DCHS2: variants seen among roughly 807,000 people sequenced by gnomAD.
DCHS2 encodes dachsous cadherin-related 2.
DCHS2 carries 142 observed loss-of-function variants against 182.4 expected under a neutral mutation model. The ratio of observed to expected loss-of-function variants is 0.78; its 90% confidence interval spans 0.68 to 0.89. The LOEUF is 0.89. DCHS2 is among the 40% of genes least tolerant of loss of function. The pLI is 0.00. For missense variants in DCHS2, 4,319 were observed against 4,198.6 expected (o/e 1.03, Z -0.79); for synonymous variants, 1,740 against 1,663.3 (o/e 1.05, Z -1.12).
At chr4:154,323,249 TTTTGTTTG>T (rs140019361) in intron 7 of DCHS2, 99 of 1,527,324 alleles carry the variant, frequency 6.5e-5, no homozygotes, top group East Asian at 5.2e-4. Context: ...CAGGTCAGGA[TTTTGTTTG>T]TTTGTTTGTT....
chr4:154,443,756 C>T (rs1734134326), intron 1 of DCHS2, among the ~76,000 whole-genome samples: 1 of 152,204 alleles, frequency 6.6e-6, no homozygotes, highest in African/African-American at 2.4e-5. Context: ...CAAAAAATCT[C>T]CACTGAGACC....
rs753583315 is a variant in DCHS2 at position 154,489,326 on chromosome 4, G to A, written c.2030C>T (p.Pro677Leu). 1.4e-5 allele frequency: 22 copies of A among 1,530,438 alleles called. No individual in the cohort carries two copies. The South Asian group carries it at 2.0e-4, about 14-fold the overall frequency. The allele number at this position is 1,530,438 out of a possible 1,614,324, so 94.8% of individuals were successfully genotyped here. A position where few individuals can be genotyped will look rare whatever the true frequency, so the allele number is the denominator to read the frequency against. The part of the protein sequence containing the change: ...VYNATIAEHA[P>L]VGHCFLQVTA... Reference sequence around the variant, plus strand: ...CACCTGCAGAAAGCAGTGTCCAACCGGGGCATGCTCTGCAATGGTGGCATT... The same window carrying A: ...CACCTGCAGAAAGCAGTGTCCAACCAGGGCATGCTCTGCAATGGTGGCATT... The change falls in exon 1 of 20, where the codon CCG becomes CTG. Residue 677 changes from proline (P) to leucine (L), a missense_variant. By Grantham distance (98) the Pro-to-Leu change is moderately conservative (BLOSUM62 -3). Transcript: ENST00000357232.
intron 3 of DCHS2, among the ~76,000 whole-genome samples, chr4:154,345,028 C>A (rs575584273): frequency 3.5e-4 from 53 of 152,258 alleles, no homozygotes; most frequent in Admixed American, 3.5e-3. Flanking sequence ...CATGAAAAAG[C>A]CCCTTCTCTC....
At chr4:154,356,234 T>C (rs1310693480) in intron 3 of DCHS2, among the ~76,000 whole-genome samples, 1 of 151,864 alleles carries the variant, frequency 6.6e-6, no homozygotes, top group Admixed American at 6.6e-5. Context: ...TTAAAAAAAA[T>C]TAAAAACAAA....
chr4:154,391,754 C>G (rs1236097407), intron 1 of DCHS2, among the ~76,000 whole-genome samples: 1 of 152,102 alleles, frequency 6.6e-6, no homozygotes, highest in Non-Finnish European at 1.5e-5. Flanking sequence ...ATATTTTTCT[C>G]CCTGCAATCA....
At chr4:154,326,265 T>C (rs1299785517) in intron 7 of DCHS2, among the ~76,000 whole-genome samples, 1 of 152,226 alleles carries the variant, frequency 6.6e-6, no homozygotes, top group Non-Finnish European at 1.5e-5. Flanking sequence ...TCTGTTAACA[T>C]TCTTTGTCCA....
chr4:154,290,247 A>C (rs954411108), intron 13 of DCHS2, among the ~76,000 whole-genome samples: 5 of 152,070 alleles, frequency 3.3e-5, no homozygotes, highest in Admixed American at 1.3e-4. Context: ...GCAGTGAAAG[A>C]CTTCTGCAAT....
chr4:154,337,532 A>G (rs1728866955), intron 3 of DCHS2, among the ~76,000 whole-genome samples: 1 of 152,144 alleles, frequency 6.6e-6, no homozygotes, highest in Admixed American at 6.5e-5. Flanking sequence ...CAAGCTATTC[A>G]TAAATGGCCC....
intron 13 of DCHS2, among the ~76,000 whole-genome samples, chr4:154,287,439 C>G (rs530549264): frequency 6.6e-6 from 1 of 152,150 alleles, no homozygotes; most frequent in Non-Finnish European, 1.5e-5. Flanking sequence ...AAGATAGAAA[C>G]AACAAAAAGT....
At chr4:154,442,687 C>T (rs1579087286) in intron 1 of DCHS2, among the ~76,000 whole-genome samples, 1 of 152,040 alleles carries the variant, frequency 6.6e-6, no homozygotes, top group African/African-American at 2.4e-5. Context: ...ATTTCTCTTT[C>T]CTCCTTCTTG....
intron 2 of DCHS2, 47 bp downstream of exon 2, chr4:154,377,206 C>A: frequency 6.4e-7 from 1 of 1,554,664 alleles, no homozygotes; most frequent in Non-Finnish European, 8.8e-7. Context: ...TACACAGTGG[C>A]TCACTTGTGA....
chr4:154,300,770 G>A lies in DCHS2; in HGVS notation c.5606-2062C>T, dbSNP rs186506169. On this transcript the variant is annotated intron_variant, in intron 12 of 19. Coordinates refer to ENST00000357232, the MANE Select transcript of DCHS2 (RefSeq NM_001358235.2). The stretch of plus-strand genomic sequence containing the variant: ...TTAGGAGTCATAGTAATCTACTTGC[G>A]CAACAAGGGGTATCTGAAACAATAT... Among the ~76,000 whole-genome samples, 597 of 152,126 alleles carry A rather than the reference G, an allele frequency of 3.9e-3. 3 individuals carry two copies. Among genetic ancestry groups the A allele is most frequent in the African/African-American group, 0.014 (569 of 41,510 alleles).
chr4:154,322,449 C>T lies in DCHS2; in HGVS notation c.4058G>A (p.Gly1353Asp). ...SDHFKIDANN[G>D]EIRTTTILSY... Reference sequence around the variant, plus strand: ...AAGTATTGTGGTTGTTCTTATTTCACCATTGTTGGCGTCAATCTTAAAGTG... The same window carrying T: ...AAGTATTGTGGTTGTTCTTATTTCATCATTGTTGGCGTCAATCTTAAAGTG... The change falls in exon 8 of 20, where the codon GGT becomes GAT. Residue 1353 changes from glycine (G) to aspartate (D), a missense_variant. Physicochemically the swap from Gly to Asp is moderately conservative, Grantham distance 94. Transcript: ENST00000357232. 1 of 1,613,530 alleles carries T rather than the reference C, an allele frequency of 6.2e-7. No individual in the cohort carries two copies. Among genetic ancestry groups the T allele is most frequent in the Non-Finnish European group, 8.5e-7 (1 of 1,179,704 alleles).
chr4:154,467,878 C>A (rs184496417), intron 1 of DCHS2, among the ~76,000 whole-genome samples: 1 of 151,988 alleles, frequency 6.6e-6, no homozygotes, highest in African/African-American at 2.4e-5. Context: ...CCCTGTAGTC[C>A]GATGAAATCA....
At chr4:154,243,705 C>T (rs1037152005) in intron 16 of DCHS2, among the ~76,000 whole-genome samples, 2 of 152,150 alleles carry the variant, frequency 1.3e-5, no homozygotes, top group African/African-American at 4.8e-5. Flanking sequence ...CCACTAAAGT[C>T]CCAGGCAAAC....
chr4:154,399,753 A>T (rs1732079940), intron 1 of DCHS2, among the ~76,000 whole-genome samples: 1 of 152,212 alleles, frequency 6.6e-6, no homozygotes, highest in African/African-American at 2.4e-5. Flanking sequence ...CTGAGGAATA[A>T]AGAAAGTAAA....
At chr4:154,330,970 A>G (rs76451723) in intron 5 of DCHS2, among the ~76,000 whole-genome samples, 1 of 152,278 alleles carries the variant, frequency 6.6e-6, no homozygotes, top group East Asian at 1.9e-4. Context: ...GATGTAAAAG[A>G]CTGTGCAGCT....
chr4:154,404,290 T>A (rs1000583846), intron 1 of DCHS2, among the ~76,000 whole-genome samples: 1 of 152,302 alleles, frequency 6.6e-6, no homozygotes, highest in Non-Finnish European at 1.5e-5. Flanking sequence ...TTTAGAGGAG[T>A]ATTGATTGAT....
chr4:154,263,121 GATAA>G (rs1560994115), intron 14 of DCHS2, among the ~76,000 whole-genome samples: 2 of 152,080 alleles, frequency 1.3e-5, no homozygotes. Context: ...TAATCTTAGA[GATAA>G]ATATTATTGA....
Sources: gnomAD v4.1 joint callset for allele counts (sites outside exome capture counted in the v4.1 genomes callset) on GRCh38, gnomAD v4.1.1 for gene constraint, MANE v1.5 for transcripts, NCBI Gene and HGNC (gene_info 2026-07-23, HGNC 2026-07-21) for gene names.